The following TBL1XR1 variants were observed in gnomAD, a reference collection of about 807,000 sequenced individuals.
TBL1XR1 encodes the protein TBL1X/Y related 1.
Under a neutral mutation model 66.9 loss-of-function variants are expected in TBL1XR1, and 5 were observed. That is an observed-to-expected ratio of 0.07 (90% CI 0.04 to 0.16). The LOEUF is 0.16. Among genes scored for constraint, TBL1XR1 ranks in the 10% least tolerant of loss-of-function variants. The pLI is 1.00. For missense variants in TBL1XR1, 238 were observed against 623.2 expected (o/e 0.38, Z 6.58); for synonymous variants, 210 against 206.0 (o/e 1.02, Z -0.17).
intron 1 of TBL1XR1, among the ~76,000 whole-genome samples, chr3:177,141,840 T>C (rs1178146008): frequency 6.6e-6 from 1 of 152,174 alleles, no homozygotes; most frequent in Non-Finnish European, 1.5e-5. Context: ...CAAAACATGG[T>C]CTATATATAC....
chr3:177,169,472 A>G (rs1577370525), intron 1 of TBL1XR1, among the ~76,000 whole-genome samples: 1 of 152,220 alleles, frequency 6.6e-6, no homozygotes, highest in African/African-American at 2.4e-5. Context: ...AAGCATGATC[A>G]TGGCAGATAC....
In TBL1XR1 at chr3:177,051,672, C is replaced by T. The variant is rs751513385; in HGVS notation, c.259G>A (p.Val87Ile). 5.0e-6 allele frequency: 8 copies of T among 1,612,348 alleles called. No homozygotes were observed. Among genetic ancestry groups the T allele is most frequent in the Non-Finnish European group, 6.8e-6 (8 of 1,178,880 alleles). ...CTTGTTTGTACTACATCAGGCATTA[C>T]GGCATCTATCAGGGACAGAGACTCT... ...PIESLSLIDA[V>I]MPDVVQTRQQ... Residue 87 changes from valine (V) to isoleucine (I), a missense_variant, in exon 5 of 16, where the codon GTA (valine) becomes ATA (isoleucine). By Grantham distance (29) the Val-to-Ile change is conservative. Coordinates refer to ENST00000457928, the MANE Select transcript of TBL1XR1 (RefSeq NM_024665.7).
chr3:177,155,022 G>T (rs540324971), intron 1 of TBL1XR1, among the ~76,000 whole-genome samples: 1 of 151,960 alleles, frequency 6.6e-6, no homozygotes, highest in Non-Finnish European at 1.5e-5. Flanking sequence ...GTAAACAAAG[G>T]CTCAAAGAAG....
chr3:177,071,345 G>T (rs550289886), intron 2 of TBL1XR1, among the ~76,000 whole-genome samples: 188 of 152,234 alleles, frequency 1.2e-3, no homozygotes, highest in Non-Finnish European at 2.2e-3. Flanking sequence ...AAAGAGAAAA[G>T]GAGGCCAGGG....
chr3:177,161,371 C>T (rs754699281), intron 1 of TBL1XR1, among the ~76,000 whole-genome samples: 12 of 152,212 alleles, frequency 7.9e-5, no homozygotes, highest in Non-Finnish European at 2.9e-5. Flanking sequence ...TTATTTCCCA[C>T]ACATATCTCA....
chr3:177,104,957 CTTAAAATTAAAGGTTG>C (rs1438267748), intron 1 of TBL1XR1, among the ~76,000 whole-genome samples: 2 of 152,164 alleles, frequency 1.3e-5, no homozygotes, highest in Non-Finnish European at 2.9e-5. Context: ...CCACAGAGTT[CTTAAAATTAAAGGTTG>C]GTTTGAACAG....
At chr3:177,097,801 G>GA (rs1480811105) in intron 2 of TBL1XR1, among the ~76,000 whole-genome samples, 3 of 152,138 alleles carry the variant, frequency 2.0e-5, no homozygotes, top group Non-Finnish European at 4.4e-5. Context: ...TTTTTAACAA[G>GA]AAAATACTAT....
rs567903751 is a variant in TBL1XR1, at chr3:177,130,605, C to T, written c.-121-32064G>A. 2.0e-5 allele frequency among the ~76,000 whole-genome samples: 3 copies of T among 152,182 alleles called. No individual in the cohort carries two copies. In the East Asian group the frequency reaches 5.8e-4, roughly 29 times the overall value. On this transcript the variant is annotated intron_variant, in intron 1 of 15. Transcript: ENST00000457928. ...CACTCCAGAGAGGTGAACCAAGTGG[C>T]TAGGGGACAGATGTGGAAAGGTTTT...
chr3:177,080,749 C>T (rs1294964859), intron 2 of TBL1XR1, among the ~76,000 whole-genome samples: 2 of 152,130 alleles, frequency 1.3e-5, no homozygotes, highest in African/African-American at 4.8e-5. Flanking sequence ...ACCTCAAAAA[C>T]TGTGGTTTTC....
chr3:177,024,372 T>A lies in TBL1XR1; in HGVS notation c.*1126A>T, dbSNP rs529562958. 2 of 144,280 alleles carry A rather than the reference T, an allele frequency of 1.4e-5. No homozygotes were observed. The highest frequency in any genetic ancestry group is 4.1e-4 in the South Asian group (2 of 4,828). The allele number at this position is 144,280 out of a possible 1,614,324, so 8.9% of individuals were successfully genotyped here. On this transcript the variant is annotated 3_prime_UTR_variant, in exon 16 of 16. Coordinates refer to ENST00000457928, the MANE Select transcript of TBL1XR1 (RefSeq NM_024665.7). ...TGTATAAAGAAAACAACATGAGAGA[T>A]TTTTAATACTGGAGTTTGGTTACAT...
intron 1 of TBL1XR1, among the ~76,000 whole-genome samples, chr3:177,165,599 A>G (rs1019338772): frequency 5.3e-5 from 8 of 152,214 alleles, no homozygotes; most frequent in African/African-American, 1.9e-4. Flanking sequence ...ACAATATGGT[A>G]TTAGTGAAAG....
At chr3:177,074,416 A>G (rs978537218) in intron 2 of TBL1XR1, among the ~76,000 whole-genome samples, 3 of 152,212 alleles carry the variant, frequency 2.0e-5, no homozygotes, top group Non-Finnish European at 4.4e-5. Flanking sequence ...CTTTACCAAC[A>G]GGAAGCCTAA....
chr3:177,139,197 A>G (rs1326952563), intron 1 of TBL1XR1, among the ~76,000 whole-genome samples: 3 of 152,186 alleles, frequency 2.0e-5, no homozygotes, highest in East Asian at 3.8e-4. Flanking sequence ...CACATTTAAG[A>G]AAAAAACAAA....
intron 1 of TBL1XR1, among the ~76,000 whole-genome samples, chr3:177,121,838 C>G (rs921184083): frequency 6.6e-6 from 1 of 151,726 alleles, no homozygotes; most frequent in African/African-American, 2.4e-5. Context: ...TTAGAATGTT[C>G]TTAGCTAAAG....
chr3:177,046,114 T>C lies in TBL1XR1; in HGVS notation c.925+15A>G. The C allele has an allele frequency of 4.6e-6, 7 of 1,526,064 alleles. No homozygotes were observed. Among genetic ancestry groups the C allele is most frequent in the Non-Finnish European group, 6.1e-6 (7 of 1,139,068 alleles). The allele number at this position is 1,526,064 out of a possible 1,614,324, so 94.5% of individuals were successfully genotyped here. ...AAGCAAGCTCCAGCTTTCACGTAAA[T>C]TATAAGAAATTTACCTGAATGAAAA... On this transcript the variant is annotated intron_variant, in intron 10 of 15. Coordinates refer to ENST00000457928, the MANE Select transcript of TBL1XR1 (RefSeq NM_024665.7).
chr3:177,160,309 C>T (rs536709556), intron 1 of TBL1XR1, among the ~76,000 whole-genome samples: 1 of 151,986 alleles, frequency 6.6e-6, no homozygotes, highest in South Asian at 2.1e-4. Context: ...CCCATCTCTA[C>T]TAAAAATACA....
chr3:177,054,724 C>T (rs1717584021), intron 3 of TBL1XR1, among the ~76,000 whole-genome samples: 1 of 152,032 alleles, frequency 6.6e-6, no homozygotes, highest in Non-Finnish European at 1.5e-5. Flanking sequence ...TTAAAAATAC[C>T]AATTCTTTGC....
intron 1 of TBL1XR1, among the ~76,000 whole-genome samples, chr3:177,124,123 G>A (rs1023522220): frequency 1.3e-5 from 2 of 151,950 alleles, no homozygotes; most frequent in African/African-American, 4.8e-5. Flanking sequence ...CAATTTTCAG[G>A]GTAAGGCATA....
intron 10 of TBL1XR1, among the ~76,000 whole-genome samples, chr3:177,043,411 T>C (rs934618228): frequency 1.3e-5 from 2 of 152,176 alleles, no homozygotes; most frequent in Admixed American, 6.6e-5. Context: ...AATAACCTCC[T>C]TTTTCCCTGT....
Sources: gnomAD v4.1 joint callset for allele counts (sites outside exome capture counted in the v4.1 genomes callset) on GRCh38, gnomAD v4.1.1 for gene constraint, MANE v1.5 for transcripts, NCBI Gene and HGNC (gene_info 2026-07-23, HGNC 2026-07-21) for gene names.